Variants in TMEM62 observed in about 807,000 individuals in gnomAD.
TMEM62 encodes transmembrane protein 62.
Under a neutral mutation model 70.4 loss-of-function variants are expected in TMEM62, and 41 were observed. The observed-to-expected ratio is 0.58, with a 90% CI of 0.45 to 0.76. The LOEUF (loss-of-function observed/expected upper bound fraction) is 0.76. Ranked by LOEUF, TMEM62 falls within the 30% of genes least tolerant of loss-of-function variation. The pLI is 0.00. For synonymous variants in TMEM62, 268 were observed against 291.0 expected, an observed-to-expected ratio of 0.92 and a Z score of 0.80; for missense variants, 688 against 788.5, an observed-to-expected ratio of 0.87 and a Z score of 1.53.
chr15:43,162,802 T>C (rs1226644006), intron 10 of TMEM62, among the ~76,000 whole-genome samples: 1 of 152,144 alleles, frequency 6.6e-6, no homozygotes, highest in Non-Finnish European at 1.5e-5. Flanking sequence ...CTCTACTGTA[T>C]AAATAATGCT....
chr15:43,169,813 T>A, intron 11 of TMEM62, 136 bp downstream of exon 11: 1 of 670,682 alleles, frequency 1.5e-6, no homozygotes, highest in Non-Finnish European at 2.5e-6. Flanking sequence ...CAAGAAGCCT[T>A]GAGTAAATGG....
At chr15:43,152,597 G>A (rs758690860) in intron 8 of TMEM62, among the ~76,000 whole-genome samples, 2 of 152,064 alleles carry the variant, frequency 1.3e-5, no homozygotes, top group African/African-American at 2.4e-5. Context: ...GTTTCACCGC[G>A]TTGGCCAGGC....
At chr15:43,149,523 A>G (rs186267054) in intron 7 of TMEM62, among the ~76,000 whole-genome samples, 5 of 130,416 alleles carry the variant, frequency 3.8e-5, no homozygotes, top group Admixed American at 8.1e-5. Context: ...TTTTTTTTTG[A>G]GACAGAGTCA....
intron 10 of TMEM62, among the ~76,000 whole-genome samples, chr15:43,162,620 C>T (rs868487450): frequency 7.9e-5 from 12 of 151,824 alleles, no homozygotes; most frequent in African/African-American, 2.7e-4. Context: ...TTAGTAGAGA[C>T]GGGGTTTCGC....
rs1429588925 is a variant in TMEM62, at chr15:43,181,205, T to C, written c.1511T>C (p.Ile504Thr). 22 of 1,613,912 alleles carry C rather than the reference T, an allele frequency of 1.4e-5. No homozygotes were observed. The highest frequency in any genetic ancestry group is 1.8e-5 in the Non-Finnish European group (21 of 1,179,882). Residue 504 changes from isoleucine to threonine, a missense_variant, in exon 13 of 14, where the codon ATT (isoleucine) becomes ACT (threonine). By Grantham distance (89) the Ile-to-Thr change is moderately conservative (BLOSUM62 -1). Coordinates refer to ENST00000260403, the MANE Select transcript of TMEM62 (RefSeq NM_024956.4). Reference sequence around the variant, plus strand: ...GGTCCATGGTTTTTTGGTGAAATCATTGATGGCAAATTTGGTTGCTGCTTT... The same window carrying C: ...GGTCCATGGTTTTTTGGTGAAATCACTGATGGCAAATTTGGTTGCTGCTTT... ...VLGPWFFGEI[I>T]DGKFGCCFSF...
intron 9 of TMEM62, among the ~76,000 whole-genome samples, chr15:43,159,815 G>A (rs943690566): frequency 6.6e-6 from 1 of 152,166 alleles, no homozygotes; most frequent in East Asian, 1.9e-4. Flanking sequence ...ACCGCAACCT[G>A]GGCACCAGCC....
intron 12 of TMEM62, among the ~76,000 whole-genome samples, chr15:43,179,230 TA>T (rs981232347): frequency 4.3e-4 from 65 of 151,306 alleles, no homozygotes; most frequent in African/African-American, 1.5e-3. Flanking sequence ...AGACGCCATC[TA>T]AAAAAAAAGT....
At chr15:43,183,885 G>GA (rs1310009314) in intron 13 of TMEM62, among the ~76,000 whole-genome samples, 1 of 151,884 alleles carries the variant, frequency 6.6e-6, no homozygotes, top group Non-Finnish European at 1.5e-5. Context: ...ATGGAGGTAA[G>GA]AAAAAAAATA....
Position 43,184,715 on chromosome 15 carries a change from G to A in TMEM62, c.*129G>A, listed in dbSNP as rs1355362954. The A allele has an allele frequency of 5.1e-6, 4 of 781,772 alleles. No homozygotes were observed. The highest frequency in any genetic ancestry group is 8.1e-6 in the Non-Finnish European group (4 of 494,372). The allele number at this position is 781,772 out of a possible 1,614,324, so 48.4% of individuals were successfully genotyped here. On this transcript the variant is annotated 3_prime_UTR_variant, in exon 14 of 14. Coordinates refer to ENST00000260403, the MANE Select transcript of TMEM62 (RefSeq NM_024956.4). The stretch of plus-strand genomic sequence containing the variant: ...GCTTTAGGGAGCAGCTGCTCGTTTG[G>A]AGTCCTGGACGTTGGAGGGATTACC...
intron 12 of TMEM62, among the ~76,000 whole-genome samples, chr15:43,179,169 G>A (rs1204264184): frequency 2.0e-5 from 3 of 152,084 alleles, no homozygotes; most frequent in African/African-American, 7.2e-5. Flanking sequence ...GGGCTGAGGC[G>A]AGAGTACTGC....
chr15:43,171,026 A>G (rs1295272433), intron 11 of TMEM62, among the ~76,000 whole-genome samples: 1 of 152,172 alleles, frequency 6.6e-6, no homozygotes, highest in Non-Finnish European at 1.5e-5. Flanking sequence ...AAAGAAACAG[A>G]TTTTAGAATT....
chr15:43,135,579 C>G lies in TMEM62; in HGVS notation c.360C>G (p.Thr120=). 6.2e-7 allele frequency: 1 copy of G among 1,610,950 alleles called. No individual in the cohort carries two copies. Among genetic ancestry groups the G allele is most frequent in the Non-Finnish European group, 8.5e-7 (1 of 1,179,362 alleles). ...GGCAGCATGAGGTAGAATGGCAAAC[C>G]TACCAGGGTATTCTGAAGAAGACAA... ...GSRQHEVEWQ[T]YQGILKKTRV... Residue 120 remains threonine (T), a synonymous_variant, in exon 3 of 14, where the codon ACC becomes ACG. Transcript: ENST00000260403.
chr15:43,135,275 C>T (rs1220514567), intron 2 of TMEM62, among the ~76,000 whole-genome samples: 5 of 152,070 alleles, frequency 3.3e-5, no homozygotes, highest in African/African-American at 9.7e-5. Context: ...CAACCCATTT[C>T]GAATATCACA....
At chr15:43,167,457 C>G (rs985703167) in intron 10 of TMEM62, among the ~76,000 whole-genome samples, 2 of 147,376 alleles carry the variant, frequency 1.4e-5, no homozygotes, top group Non-Finnish European at 3.0e-5. Flanking sequence ...CGGGGCGGCC[C>G]GGCAGAGACG....
At chr15:43,171,614 CTTTT>C (rs751979920) in intron 11 of TMEM62, among the ~76,000 whole-genome samples, 3 of 114,990 alleles carry the variant, frequency 2.6e-5, no homozygotes, top group Admixed American at 1.0e-4. Flanking sequence ...TTAATAAAAA[CTTTT>C]TTTTTTTTTT....
intron 4 of TMEM62, 66 bp downstream of exon 4, chr15:43,138,685 T>A: frequency 7.8e-7 from 1 of 1,277,676 alleles, no homozygotes; most frequent in South Asian, 1.3e-5. Context: ...TGTGGTCAAC[T>A]CAATGAATGA....
At chr15:43,181,794 G>A (rs903877458) in intron 13 of TMEM62, among the ~76,000 whole-genome samples, 7 of 152,212 alleles carry the variant, frequency 4.6e-5, no homozygotes, top group African/African-American at 1.7e-4. Flanking sequence ...GAGCCACCAT[G>A]CCTAGCCTAA....
At chr15:43,175,953 A>G (rs980148722) in intron 11 of TMEM62, among the ~76,000 whole-genome samples, 18 of 152,196 alleles carry the variant, frequency 1.2e-4, no homozygotes, top group African/African-American at 4.3e-4. Flanking sequence ...AACAGAGGGC[A>G]CCTGGACAAT....
chr15:43,134,813 T>C (rs2034980324), intron 2 of TMEM62, among the ~76,000 whole-genome samples: 1 of 152,224 alleles, frequency 6.6e-6, no homozygotes, highest in African/African-American at 2.4e-5. Flanking sequence ...CCAGGGCACT[T>C]TTTCTTCATC....
Sources: allele counts gnomAD v4.1 joint callset (sites outside exome capture counted in the v4.1 genomes callset), GRCh38; gene constraint gnomAD v4.1.1; transcripts MANE v1.5; gene names NCBI Gene and HGNC (gene_info 2026-07-23, HGNC 2026-07-21).